PLEKHA6: variants seen among roughly 807,000 people sequenced by gnomAD.
The protein encoded by PLEKHA6 is pleckstrin homology domain containing A6, also known as pleckstrin homology domain-containing family A member 6.
PLEKHA6 carries 60 observed loss-of-function variants against 116.7 expected under a neutral mutation model. That is an observed-to-expected ratio of 0.51 (90% CI 0.42 to 0.64). The LOEUF (loss-of-function observed/expected upper bound fraction) is 0.64, where lower values mean the gene tolerates loss of function less well. PLEKHA6 is among the 30% of genes least tolerant of loss of function. The pLI is 0.00. For missense variants in PLEKHA6, 1,338 were observed against 1,422.7 expected (o/e 0.94, Z 0.96); for synonymous variants, 489 against 556.1 (o/e 0.88, Z 1.70).
chr1:204,282,888 G>T, intron 1 of PLEKHA6: 1 of 808,738 alleles, frequency 1.2e-6, no homozygotes, highest in Non-Finnish European at 1.5e-6. Flanking sequence ...CAGTAGCTAA[G>T]CCAGACAGAA....
chr1:204,273,656 G>A lies in PLEKHA6; in HGVS notation c.72C>T (p.Ser24=), dbSNP rs760792928. The change falls in exon 3 of 23, where the codon TCC becomes TCT. Residue 24 remains serine (S), a synonymous_variant. Coordinates refer to ENST00000272203, the MANE Select transcript of PLEKHA6 (RefSeq NM_014935.5). ...CGCTGGGCCGCTCTGGAGGGACCTC[G>A]GACACCATGTTGTGGTTGGGTATGT... The part of the protein sequence containing the change: ...NSDIPNHNMV[S]EVPPERPSVR... 3.7e-5 allele frequency: 60 copies of A among 1,614,000 alleles called. No homozygotes were observed. Among genetic ancestry groups the A allele is most frequent in the East Asian group, 4.5e-5 (2 of 44,888 alleles).
intron 1 of PLEKHA6, 42 bp from the exon 2 acceptor site, chr1:204,274,851 A>C: frequency 1.0e-6 from 1 of 985,930 alleles, no homozygotes; most frequent in South Asian, 4.7e-5. Context: ...AAGATGAAGA[A>C]GGCAGAGACA....
intron 1 of PLEKHA6, among the ~76,000 whole-genome samples, chr1:204,306,335 G>C (rs1466832823): frequency 6.6e-6 from 1 of 152,078 alleles, no homozygotes; most frequent in African/African-American, 2.4e-5. Context: ...TCTGATCTCT[G>C]CTCCTTGCCA....
In PLEKHA6 at chr1:204,359,690, T is replaced by C. The variant is rs1216133141; in HGVS notation, c.-95+4A>G. On this transcript the variant is annotated splice_donor_region_variant and intron_variant, in intron 1 of 22. Coordinates refer to ENST00000272203, the MANE Select transcript of PLEKHA6 (RefSeq NM_014935.5). ...ATCTATGTGATGCATGAAAACAGAC[T>C]CACCGGCTTCTGAGGTGTGATCCCC... is the stretch of plus-strand genomic sequence containing the variant. 3 of 979,568 alleles carry C rather than the reference T, an allele frequency of 3.1e-6. No homozygotes were observed. Among genetic ancestry groups the C allele is most frequent in the Non-Finnish European group, 3.6e-6 (3 of 824,758 alleles). 60.7% of individuals were successfully genotyped at this position (979,568 alleles called of 1,614,324 possible).
chr1:204,325,976 C>A (rs1206825837), intron 1 of PLEKHA6: 1 of 872,636 alleles, frequency 1.1e-6, no homozygotes, highest in Non-Finnish European at 1.4e-6. Flanking sequence ...AGTCCCTCTG[C>A]CCACAGCAAG....
chr1:204,269,995 TC>T (rs1378700296), intron 3 of PLEKHA6, among the ~76,000 whole-genome samples: 2 of 152,168 alleles, frequency 1.3e-5, no homozygotes, highest in African/African-American at 4.8e-5. Flanking sequence ...AGTCCTAGGC[TC>T]CTGGGAAGAG....
rs1198966013 is a variant in PLEKHA6, at chr1:204,277,357, C to A, written c.-94-2548G>T. Among the ~76,000 whole-genome samples the A allele has an allele frequency of 6.6e-6, 1 of 152,102 alleles. No individual in the cohort carries two copies. Among genetic ancestry groups the A allele is most frequent in the Non-Finnish European group, 1.5e-5 (1 of 68,014 alleles). ...GGGATGATATCCTCCCCATTCAGCACCCCAAGGAGAAAATGCTGAAATGGA... is the reference window on the plus strand; with the variant it reads ...GGGATGATATCCTCCCCATTCAGCAACCCAAGGAGAAAATGCTGAAATGGA... On this transcript the variant is annotated intron_variant, in intron 1 of 22. Coordinates refer to ENST00000272203, the MANE Select transcript of PLEKHA6 (RefSeq NM_014935.5). The surrounding 1 kb of genome is among the most constrained non-coding windows in gnomAD (Gnocchi z 4.1).
chr1:204,298,894 G>A (rs1190948661), intron 1 of PLEKHA6, among the ~76,000 whole-genome samples: 1 of 152,230 alleles, frequency 6.6e-6, no homozygotes, highest in Non-Finnish European at 1.5e-5. Context: ...GGAAGGAGCT[G>A]CTTTTCCATC....
intron 3 of PLEKHA6, among the ~76,000 whole-genome samples, chr1:204,269,830 C>A (rs1248224169): frequency 6.6e-6 from 1 of 152,202 alleles, no homozygotes; most frequent in African/African-American, 2.4e-5. Flanking sequence ...GATGCTTCCT[C>A]CTCCACTGAT....
intron 1 of PLEKHA6, chr1:204,282,503 T>C (rs1434021870): frequency 3.0e-6 from 1 of 337,850 alleles, no homozygotes; most frequent in Non-Finnish European, 4.2e-6. Flanking sequence ...GTCTGAGACC[T>C]CCTCACATCT....
At chr1:204,365,733 G>A (rs918543394) in intron 3 of PLEKHA6, among the ~76,000 whole-genome samples, 1 of 152,170 alleles carries the variant, frequency 6.6e-6, no homozygotes, top group African/African-American at 2.4e-5. Flanking sequence ...GTTCTAGGAG[G>A]GAGTGAAAAA....
At chr1:204,312,999 G>T (rs988421311) in intron 1 of PLEKHA6, among the ~76,000 whole-genome samples, 9 of 147,368 alleles carry the variant, frequency 6.1e-5, no homozygotes, top group African/African-American at 2.0e-4. Flanking sequence ...CAAAGCACAG[G>T]CCCTTAGCCC....
At chr1:204,256,791 A>C in intron 9 of PLEKHA6, 1 of 600,600 alleles carries the variant, frequency 1.7e-6, no homozygotes, top group Non-Finnish European at 3.0e-6. Flanking sequence ...TGGAGGGGAG[A>C]AAGGACGTAC....
Position 204,250,634 on chromosome 1 carries a change from G to T in PLEKHA6, c.1525-20C>A, listed in dbSNP as rs1369250808. On this transcript the variant is annotated intron_variant, in intron 9 of 22. Coordinates refer to ENST00000272203, the MANE Select transcript of PLEKHA6 (RefSeq NM_014935.5). Reference sequence around the variant, plus strand: ...AGGGACCTGCAGGAACATGAGGCCGGTTACTGCAGCAGGGGCAGGATGAGG... The same window carrying T: ...AGGGACCTGCAGGAACATGAGGCCGTTTACTGCAGCAGGGGCAGGATGAGG... The T allele has an allele frequency of 6.3e-6, 10 of 1,584,892 alleles. No homozygotes were observed. The highest frequency in any genetic ancestry group is 1.1e-5 in the South Asian group (1 of 90,096).
intron 15 of PLEKHA6, among the ~76,000 whole-genome samples, chr1:204,242,485 C>T (rs1421493897): frequency 4.6e-5 from 7 of 152,206 alleles, no homozygotes; most frequent in Admixed American, 4.6e-4. Context: ...AAGGGTTATG[C>T]AAATTATACA....
Position 204,261,814 on chromosome 1 carries a change from G to A in PLEKHA6, c.382-366C>T. On this transcript the variant is annotated intron_variant, in intron 6 of 22. Transcript: ENST00000272203. The surrounding 1 kb of genome is among the most constrained non-coding windows in gnomAD (Gnocchi z 4.0). ...TCAAAGGCAATGACCCCATGTCTGGGAGAGAGGACCCCCTGAGCACATGCC... is the reference window on the plus strand; with the variant it reads ...TCAAAGGCAATGACCCCATGTCTGGAAGAGAGGACCCCCTGAGCACATGCC... 1 of 382,038 alleles carries A rather than the reference G, an allele frequency of 2.6e-6. No homozygotes were observed. The highest frequency in any genetic ancestry group is 4.7e-6 in the Non-Finnish European group (1 of 214,712). The allele number at this position is 382,038 out of a possible 1,614,324, so 23.7% of individuals were successfully genotyped here.
chr1:204,317,566 G>A (rs1326384770), intron 1 of PLEKHA6, among the ~76,000 whole-genome samples: 14 of 152,122 alleles, frequency 9.2e-5, no homozygotes, highest in Admixed American at 7.2e-4. Context: ...TTGAACACAA[G>A]CCACACGGAG....
chr1:204,271,316 T>C (rs1667428982), intron 3 of PLEKHA6, among the ~76,000 whole-genome samples: 1 of 152,126 alleles, frequency 6.6e-6, no homozygotes, highest in Admixed American at 6.5e-5. Context: ...ACTTTTGTCT[T>C]TTTCATCTCT....
At chr1:204,231,369 G>A (rs1409608852) in intron 17 of PLEKHA6, among the ~76,000 whole-genome samples, 1 of 152,048 alleles carries the variant, frequency 6.6e-6, no homozygotes, top group Non-Finnish European at 1.5e-5. Flanking sequence ...GTATCCCAGG[G>A]GACTGGTGCT....
Sources: gnomAD v4.1 joint callset for allele counts (sites outside exome capture counted in the v4.1 genomes callset) on GRCh38, gnomAD v4.1.1 for gene constraint, Gnocchi (gnomAD v3.1) non-coding constraint, MANE v1.5 for transcripts, NCBI Gene and HGNC (gene_info 2026-07-23, HGNC 2026-07-21) for gene names.